Variants in TMEM108 observed in about 807,000 individuals in gnomAD.
TMEM108 encodes the protein transmembrane protein 108, also known as cancer/testis antigen 124.
TMEM108 carries 12 observed loss-of-function variants against 35.1 expected under a neutral mutation model. The observed-to-expected ratio is 0.34, with a 90% CI of 0.22 to 0.55. The LOEUF (loss-of-function observed/expected upper bound fraction) is 0.55, where lower values mean the gene tolerates loss of function less well. TMEM108 is among the 20% of genes least tolerant of loss of function. TMEM108 has a pLI of 0.89. For synonymous variants in TMEM108, 287 were observed against 308.6 expected (o/e 0.93, Z 0.73); for missense variants, 680 against 753.3 (o/e 0.90, Z 1.14).
intron 3 of TMEM108, among the ~76,000 whole-genome samples, chr3:133,268,419 G>A (rs1398636587): frequency 1.3e-5 from 2 of 152,176 alleles, no homozygotes. Flanking sequence ...AATAGAATCT[G>A]ATTCATGTGG....
intron 4 of TMEM108, chr3:133,388,240 G>A: frequency 1.0e-6 from 1 of 985,502 alleles, no homozygotes; most frequent in Non-Finnish European, 1.2e-6. Flanking sequence ...AGCTGCAGGA[G>A]CAGAGTGAAA....
At position 133,379,962 on chromosome 3, in the gene TMEM108, C is replaced by T. The variant is rs34111099; in HGVS notation, c.251C>T (p.Pro84Leu). 0.063 allele frequency: 101,178 copies of T among 1,613,846 alleles called. 3,471 individuals are homozygous for T. The highest frequency in any genetic ancestry group is 0.07 in the Non-Finnish European group (82,587 of 1,179,888). ...CAGGCTGCAGCTCCCATGGCAACACCGACACCCCGTGCAGAGGGGCACCCT... is the reference window on the plus strand; with the variant it reads ...CAGGCTGCAGCTCCCATGGCAACACTGACACCCCGTGCAGAGGGGCACCCT... ...PSQAAAPMAT[P>L]TPRAEGHPPT... The change falls in exon 4 of 6, where the codon CCG becomes CTG. Residue 84 changes from proline (P) to leucine (L), a missense_variant. By Grantham distance (98) the Pro-to-Leu change is moderately conservative. Coordinates refer to ENST00000321871, the MANE Select transcript of TMEM108 (RefSeq NM_023943.4).
At chr3:133,309,498 T>C (rs554574088) in intron 3 of TMEM108, among the ~76,000 whole-genome samples, 2 of 152,218 alleles carry the variant, frequency 1.3e-5, no homozygotes, top group Non-Finnish European at 1.5e-5. Flanking sequence ...TGTGTGCTTT[T>C]AGTGTTATAA....
At chr3:133,158,850 C>G (rs939695306) in intron 2 of TMEM108, among the ~76,000 whole-genome samples, 13 of 152,176 alleles carry the variant, frequency 8.5e-5, no homozygotes, top group African/African-American at 3.1e-4. Flanking sequence ...CTCCTTTGGC[C>G]TTTCCCACAG....
chr3:133,211,607 A>T (rs1945834567), intron 2 of TMEM108, among the ~76,000 whole-genome samples: 1 of 152,200 alleles, frequency 6.6e-6, no homozygotes, highest in South Asian at 2.1e-4. Context: ...CTCAAAGGAG[A>T]TAAATGATCC....
intron 2 of TMEM108, among the ~76,000 whole-genome samples, chr3:133,182,224 T>C (rs563161714): frequency 2.0e-5 from 3 of 152,310 alleles, no homozygotes; most frequent in South Asian, 4.1e-4. Context: ...CCAGACTACA[T>C]TGAAGGCAAG....
At chr3:133,292,640 T>C (rs1029181153) in intron 3 of TMEM108, among the ~76,000 whole-genome samples, 2 of 152,238 alleles carry the variant, frequency 1.3e-5, no homozygotes, top group Non-Finnish European at 2.9e-5. Flanking sequence ...CTGCCTGCTA[T>C]GGGGACCCTG....
At chr3:133,241,316 C>T (rs1005643052) in intron 3 of TMEM108, among the ~76,000 whole-genome samples, 1 of 152,226 alleles carries the variant, frequency 6.6e-6, no homozygotes, top group Middle Eastern at 3.2e-3. Flanking sequence ...TTCTTTTCTC[C>T]CTCTCCTGTT....
intron 2 of TMEM108, among the ~76,000 whole-genome samples, chr3:133,183,686 A>T (rs1235732784): frequency 6.6e-6 from 1 of 152,166 alleles, no homozygotes; most frequent in African/African-American, 2.4e-5. Flanking sequence ...CAGGCACAAG[A>T]TTCTACCCTA....
At chr3:133,141,989 G>A (rs768301948) in intron 2 of TMEM108, among the ~76,000 whole-genome samples, 3 of 152,136 alleles carry the variant, frequency 2.0e-5, no homozygotes, top group Non-Finnish European at 2.9e-5. Context: ...GAGAAGAGGG[G>A]CAGGCTGTCT....
intron 3 of TMEM108, among the ~76,000 whole-genome samples, chr3:133,260,712 A>G (rs1297793645): frequency 1.3e-5 from 2 of 152,192 alleles, no homozygotes; most frequent in Non-Finnish European, 2.9e-5. Context: ...TCTTGAAAAG[A>G]TACCTGACTG....
intron 2 of TMEM108, among the ~76,000 whole-genome samples, chr3:133,220,568 T>C (rs1240066267): frequency 6.6e-6 from 1 of 152,236 alleles, no homozygotes; most frequent in African/African-American, 2.4e-5. Flanking sequence ...TTCAAATAAA[T>C]ACATTTGAAT....
chr3:133,202,325 A>T (rs971297389), intron 2 of TMEM108, among the ~76,000 whole-genome samples: 3 of 152,088 alleles, frequency 2.0e-5, no homozygotes, highest in African/African-American at 4.8e-5. Flanking sequence ...ATTTTGGCTT[A>T]TGTCGCCATT....
chr3:133,390,081 C>G, intron 4 of TMEM108, 99 bp from the exon 5 acceptor site: 4 of 1,446,816 alleles, frequency 2.8e-6, no homozygotes, highest in Non-Finnish European at 3.8e-6. Context: ...CCACCATACA[C>G]TTACTCCAGC....
chr3:133,175,798 A>C (rs1945210608), intron 2 of TMEM108, among the ~76,000 whole-genome samples: 1 of 152,248 alleles, frequency 6.6e-6, no homozygotes, highest in Admixed American at 6.5e-5. Flanking sequence ...CATCATAATG[A>C]CAGATCAAAT....
intron 2 of TMEM108, among the ~76,000 whole-genome samples, chr3:133,152,566 C>T (rs1944817785): frequency 6.6e-6 from 1 of 152,040 alleles, no homozygotes; most frequent in Non-Finnish European, 1.5e-5. Context: ...TGTATATCTC[C>T]CCTGGGTTAC....
intron 3 of TMEM108, among the ~76,000 whole-genome samples, chr3:133,341,806 G>A (rs954098481): frequency 1.3e-5 from 2 of 151,848 alleles, no homozygotes; most frequent in African/African-American, 4.8e-5. Flanking sequence ...TCAATAAATG[G>A]TGCTGGAAAA....
At chr3:133,254,541 T>C (rs1019412192) in intron 3 of TMEM108, among the ~76,000 whole-genome samples, 2 of 152,158 alleles carry the variant, frequency 1.3e-5, no homozygotes, top group Non-Finnish European at 2.9e-5. Context: ...GTCAGTCGAA[T>C]ATGTGATCTC....
In TMEM108 at chr3:133,235,857, A is replaced by C. The variant is rs570483329; in HGVS notation, c.40+6506A>C. ...TGACATGATCAAGACTGCTTTTGCC[A>C]AGCCACATCACAATTTTTTGAAAAA... On this transcript the variant is annotated intron_variant, in intron 3 of 5. Coordinates refer to ENST00000321871, the MANE Select transcript of TMEM108 (RefSeq NM_023943.4). 8.9e-4 allele frequency among the ~76,000 whole-genome samples: 135 copies of C among 152,256 alleles called. 2 individuals carry two copies. In the South Asian group the frequency reaches 0.026, roughly 30 times the overall value.
Sources: gnomAD v4.1 joint callset for allele counts (sites outside exome capture counted in the v4.1 genomes callset) on GRCh38, gnomAD v4.1.1 for gene constraint, MANE v1.5 for transcripts, NCBI Gene and HGNC (gene_info 2026-07-23, HGNC 2026-07-21) for gene names.